ADGRB3: variants seen among roughly 807,000 people sequenced by gnomAD.
The protein encoded by ADGRB3 is adhesion G protein-coupled receptor B3, also known as brain-specific angiogenesis inhibitor 3.
In ADGRB3, 37 loss-of-function variants were observed where a neutral mutation model predicts 193.4. The observed-to-expected ratio is 0.19, with a 90% CI of 0.15 to 0.25. The LOEUF (loss-of-function observed/expected upper bound fraction) is 0.25, where lower values mean the gene tolerates loss of function less well. Among genes scored for constraint, ADGRB3 ranks in the 10% least tolerant of loss-of-function variants. The pLI, the probability that ADGRB3 is intolerant of heterozygous loss-of-function variation, is 1.00. For synonymous variants in ADGRB3, 690 were observed against 644.2 expected, an observed-to-expected ratio of 1.07 and a Z score of -1.08; for missense variants, 1,637 against 1,852.9, an observed-to-expected ratio of 0.88 and a Z score of 2.14.
chr6:68,841,011 A>T (rs944091406), intron 3 of ADGRB3, among the ~76,000 whole-genome samples: 2 of 152,244 alleles, frequency 1.3e-5, no homozygotes, highest in African/African-American at 2.4e-5. Flanking sequence ...AAAGAAGATC[A>T]TTAGATAATG....
chr6:69,249,421 T>C (rs1431920317), intron 20 of ADGRB3, among the ~76,000 whole-genome samples: 3 of 152,226 alleles, frequency 2.0e-5, no homozygotes, highest in Non-Finnish European at 4.4e-5. Context: ...TTGAAGAAGT[T>C]AAAAGTAGCT....
intron 3 of ADGRB3, among the ~76,000 whole-genome samples, chr6:68,686,222 C>A (rs1036025484): frequency 3.1e-5 from 4 of 131,084 alleles, no homozygotes; most frequent in Non-Finnish European, 5.2e-5. Context: ...TCTGGTGAAG[C>A]TTTCCTGGAT....
chr6:68,944,459 G>C (rs1767723008), intron 6 of ADGRB3, among the ~76,000 whole-genome samples: 1 of 152,092 alleles, frequency 6.6e-6, no homozygotes, highest in Non-Finnish European at 1.5e-5. Flanking sequence ...TCTCTTGCTG[G>C]ATGCATAAAA....
Position 69,361,174 on chromosome 6 carries a change from G to C in ADGRB3, c.3901G>C (p.Glu1301Gln). ...TGACATGGACATAGTCCATCCTCAA[G>C]AAAGAATGATGGAAAGTGACTATAT... is the stretch of plus-strand genomic sequence containing the variant. The part of the protein sequence containing the change: ...GADMDIVHPQ[E>Q]RMMESDYIVM... The change falls in exon 29 of 32, where the codon GAA becomes CAA. Residue 1301 changes from glutamate (E) to glutamine (Q), a missense_variant. Around this residue, in one of 7 missense-constraint regions of ADGRB3, gnomAD observed 368 missense variants for 367.4 expected, o/e 1.00. Coordinates refer to ENST00000370598, the MANE Select transcript of ADGRB3 (RefSeq NM_001704.3). 6.2e-7 allele frequency: 1 copy of C among 1,612,730 alleles called. No homozygotes were observed. Among genetic ancestry groups the C allele is most frequent in the Non-Finnish European group, 8.5e-7 (1 of 1,179,296 alleles).
At chr6:69,057,241 T>A (rs555231017) in intron 15 of ADGRB3, among the ~76,000 whole-genome samples, 2 of 152,268 alleles carry the variant, frequency 1.3e-5, no homozygotes, top group South Asian at 4.1e-4. Flanking sequence ...TTAATTTTCT[T>A]GCATTCTGCA....
chr6:68,920,478 T>C (rs1192100080), intron 3 of ADGRB3, among the ~76,000 whole-genome samples: 1 of 133,780 alleles, frequency 7.5e-6, no homozygotes, highest in Admixed American at 8.6e-5. Flanking sequence ...AGATCCGCCA[T>C]TGCACTCCAG....
At chr6:68,749,141 T>C (rs867166843) in intron 3 of ADGRB3, among the ~76,000 whole-genome samples, 11 of 152,188 alleles carry the variant, frequency 7.2e-5, no homozygotes, top group African/African-American at 2.2e-4. Flanking sequence ...CATGAAGGTC[T>C]CTGACATGGC....
At chr6:69,341,226 C>G (rs751571885) in intron 26 of ADGRB3, among the ~76,000 whole-genome samples, 1 of 152,178 alleles carries the variant, frequency 6.6e-6, no homozygotes, top group Non-Finnish European at 1.5e-5. Flanking sequence ...ATTTACACTC[C>G]CACCAACAGT....
At chr6:69,035,060 C>T (rs1041874003) in intron 13 of ADGRB3, among the ~76,000 whole-genome samples, 3 of 151,984 alleles carry the variant, frequency 2.0e-5, no homozygotes, top group Admixed American at 1.3e-4. Context: ...TAGTCATCAT[C>T]CTTTGTTTAT....
intron 3 of ADGRB3, among the ~76,000 whole-genome samples, chr6:68,848,638 ATT>A (rs1562055137): frequency 6.6e-6 from 1 of 152,028 alleles, no homozygotes; most frequent in Non-Finnish European, 1.5e-5. Context: ...TATGTTTAGC[ATT>A]TTGTGTTATT....
intron 17 of ADGRB3, among the ~76,000 whole-genome samples, chr6:69,162,149 T>C (rs1197801429): frequency 6.6e-6 from 1 of 152,044 alleles, no homozygotes; most frequent in Admixed American, 6.6e-5. Context: ...CTATAAAAAA[T>C]TTTGACATGG....
At chr6:68,929,649 A>G (rs1446483659) in intron 3 of ADGRB3, among the ~76,000 whole-genome samples, 1 of 152,142 alleles carries the variant, frequency 6.6e-6, no homozygotes, top group Non-Finnish European at 1.5e-5. Context: ...ATGAGACAGA[A>G]CCAACAACTA....
chr6:68,817,307 G>GTATATATA (rs60723627), intron 3 of ADGRB3, among the ~76,000 whole-genome samples: 1 of 44,176 alleles, frequency 2.3e-5, no homozygotes, highest in Non-Finnish European at 5.3e-5. Flanking sequence ...TTTTGTCCAT[G>GTATATATA]TATATATATA....
intron 25 of ADGRB3, 147 bp from the exon 26 acceptor site, chr6:69,339,186 A>T: frequency 1.7e-6 from 2 of 1,151,888 alleles, no homozygotes; most frequent in African/African-American, 1.6e-5. Flanking sequence ...TAAAAAAAAA[A>T]ATAAGACTCT....
intron 3 of ADGRB3, among the ~76,000 whole-genome samples, chr6:68,854,662 C>T (rs1215598528): frequency 1.1e-4 from 17 of 152,064 alleles, no homozygotes; most frequent in Non-Finnish European, 5.9e-5. Flanking sequence ...AAGAAATGTC[C>T]TCCCTGTGCC....
intron 15 of ADGRB3, among the ~76,000 whole-genome samples, chr6:69,050,566 A>G (rs1316132489): frequency 2.0e-5 from 3 of 152,212 alleles, no homozygotes. Flanking sequence ...AAATTTAGTC[A>G]TAGTTACACT....
At chr6:68,974,674 T>C in intron 8 of ADGRB3, 89 bp from the exon 9 acceptor site, 2 of 950,744 alleles carry the variant, frequency 2.1e-6, no homozygotes, top group Non-Finnish European at 3.3e-6. Flanking sequence ...TAAAGAGCTC[T>C]GCAGTTAGAG....
intron 3 of ADGRB3, among the ~76,000 whole-genome samples, chr6:68,851,011 G>A (rs1768387867): frequency 6.6e-6 from 1 of 151,868 alleles, no homozygotes; most frequent in Non-Finnish European, 1.5e-5. Flanking sequence ...TGAAATAATT[G>A]TGAGTAATTC....
intron 3 of ADGRB3, among the ~76,000 whole-genome samples, chr6:68,807,235 C>CTTTTTTTT (rs771342538): frequency 0.03 from 3,009 of 99,958 alleles, 6 homozygotes; most frequent in Middle Eastern, 0.067. Flanking sequence ...TTTCTTTTTT[C>CTTTTTTTT]TTTTTTTTTT....
Sources: gnomAD v4.1 joint callset for allele counts (sites outside exome capture counted in the v4.1 genomes callset) on GRCh38, gnomAD v4.1.1 for gene constraint, gnomAD v4.1.1 regional missense constraint, MANE v1.5 for transcripts, NCBI Gene and HGNC (gene_info 2026-07-23, HGNC 2026-07-21) for gene names.